Variants in VCL observed in about 807,000 individuals in gnomAD.
VCL encodes vinculin.
Under a neutral mutation model 125.7 loss-of-function variants are expected in VCL, and 47 were observed. That is an observed-to-expected ratio of 0.37 (90% confidence interval 0.30 to 0.48). The LOEUF (loss-of-function observed/expected upper bound fraction) is 0.48, where lower values mean the gene tolerates loss of function less well. Ranked by LOEUF, VCL falls within the 20% of genes least tolerant of loss-of-function variation. VCL has a pLI of 0.99. For missense variants in VCL, 1,069 were observed against 1,455.5 expected (o/e 0.73, Z 4.32); for synonymous variants, 458 against 514.6 (o/e 0.89, Z 1.49).
chr10:74,068,194 T>C (rs1030942222), intron 2 of VCL, among the ~76,000 whole-genome samples: 8 of 152,234 alleles, frequency 5.3e-5, no homozygotes, highest in Non-Finnish European at 1.2e-4. Flanking sequence ...CCTACAGACA[T>C]ACAGGGTAAA....
At chr10:74,083,250 T>G (rs1839708272) in intron 7 of VCL, 116 bp from the exon 8 acceptor site, 1 of 1,390,054 alleles carries the variant, frequency 7.2e-7, no homozygotes. Context: ...TTGCCTTCTA[T>G]TCACTCGTCT....
chr10:74,025,198 A>G (rs1248119136), intron 1 of VCL, among the ~76,000 whole-genome samples: 1 of 152,044 alleles, frequency 6.6e-6, no homozygotes, highest in Admixed American at 6.6e-5. Flanking sequence ...TTGTATTTTC[A>G]GTAGAGACGG....
intron 1 of VCL, among the ~76,000 whole-genome samples, chr10:74,029,346 C>T (rs1288664137): frequency 6.6e-6 from 1 of 151,920 alleles, no homozygotes; most frequent in Non-Finnish European, 1.5e-5. Context: ...ATCTTCTGAC[C>T]TCATGATCCC....
At chr10:74,000,442 G>T (rs936376958) in intron 1 of VCL, among the ~76,000 whole-genome samples, 3 of 151,874 alleles carry the variant, frequency 2.0e-5, no homozygotes, top group Non-Finnish European at 4.4e-5. Context: ...TTGAGATGGA[G>T]TCTTCCTCTG....
At chr10:74,027,789 GATAAA>G (rs1840802956) in intron 1 of VCL, 1 of 151,956 alleles carries the variant, frequency 6.6e-6, no homozygotes, top group Admixed American at 6.6e-5. Flanking sequence ...ATATGAAAAT[GATAAA>G]ATTAAATTTT....
chr10:74,093,185 T>C (rs546503618), intron 10 of VCL, among the ~76,000 whole-genome samples: 1 of 152,016 alleles, frequency 6.6e-6, no homozygotes, highest in Admixed American at 6.5e-5. Flanking sequence ...TAATCCTAGC[T>C]ACTCAGGAGG....
At chr10:74,058,529 A>AT (rs1314434936) in intron 2 of VCL, among the ~76,000 whole-genome samples, 1 of 151,674 alleles carries the variant, frequency 6.6e-6, no homozygotes, top group East Asian at 1.9e-4. Context: ...ATCAGTTTTA[A>AT]TTTTTTTGTT....
At chr10:74,009,579 A>T (rs1022419953) in intron 1 of VCL, among the ~76,000 whole-genome samples, 3 of 149,636 alleles carry the variant, frequency 2.0e-5, no homozygotes, top group Non-Finnish European at 4.4e-5. Context: ...TTCTATTGGG[A>T]ATTGTTATGG....
chr10:74,083,365 G>A lies in VCL; in HGVS notation c.875-1G>A. 6.2e-7 allele frequency: 1 copy of A among 1,613,964 alleles called. No individual in the cohort carries two copies. Among genetic ancestry groups the A allele is most frequent in the Non-Finnish European group, 8.5e-7 (1 of 1,179,902 alleles). On this transcript the variant is annotated splice_acceptor_variant, in intron 7 of 21. Coordinates refer to ENST00000211998, the MANE Select transcript of VCL (RefSeq NM_014000.3). LOFTEE classifies it high-confidence loss of function. ...AGTTATTGAATATCTCTTTATTTTA[G>A]GGGATGCTGGTGAGCAGGCCATCAG...
chr10:74,063,205 G>A (rs2136266983), intron 2 of VCL, among the ~76,000 whole-genome samples: 1 of 152,294 alleles, frequency 6.6e-6, no homozygotes, highest in South Asian at 2.1e-4. Flanking sequence ...GCCCGAGGTT[G>A]GTTTTGAATG....
At chr10:74,009,626 T>C (rs1407333508) in intron 1 of VCL, among the ~76,000 whole-genome samples, 1 of 151,870 alleles carries the variant, frequency 6.6e-6, no homozygotes, top group Non-Finnish European at 1.5e-5. Context: ...TTAATTATTA[T>C]TATTATTTTG....
chr10:74,045,290 GA>G (rs1841179022), intron 2 of VCL, among the ~76,000 whole-genome samples: 1 of 151,814 alleles, frequency 6.6e-6, no homozygotes, highest in African/African-American at 2.4e-5. Flanking sequence ...TAGATAGATA[GA>G]TAGATAGATA....
intron 1 of VCL, among the ~76,000 whole-genome samples, chr10:74,006,197 G>T (rs1001226828): frequency 2.0e-5 from 3 of 151,980 alleles, no homozygotes; most frequent in African/African-American, 7.3e-5. Context: ...ATTTTTATTT[G>T]TATTTGTATA....
At chr10:74,094,494 A>G (rs1421934922) in intron 11 of VCL, 33 bp downstream of exon 11, 28 of 1,602,236 alleles carry the variant, frequency 1.7e-5, no homozygotes, top group Non-Finnish European at 2.4e-5. Flanking sequence ...ACCTCATTAA[A>G]TTGGTCTCAG....
intron 1 of VCL, among the ~76,000 whole-genome samples, chr10:74,020,936 G>A (rs547377531): frequency 2.6e-5 from 4 of 151,912 alleles, no homozygotes; most frequent in Middle Eastern, 6.8e-3. Context: ...AAATGGTGGC[G>A]GGATTGAATG....
At chr10:74,121,076 A>G (rs1212417575), downstream of VCL, 2 of 152,212 alleles carry the variant, frequency 1.3e-5, no homozygotes, top group Admixed American at 6.5e-5. Flanking sequence ...AACTGCTATT[A>G]TCACTGCTTT....
At chr10:74,001,329 T>A (rs1840220729) in intron 1 of VCL, among the ~76,000 whole-genome samples, 3 of 152,146 alleles carry the variant, frequency 2.0e-5, no homozygotes, top group Admixed American at 6.6e-5. Flanking sequence ...TTTTAAAAAA[T>A]TTTATTTTGG....
At chr10:74,038,304 G>A (rs1841025517) in intron 1 of VCL, among the ~76,000 whole-genome samples, 1 of 152,046 alleles carries the variant, frequency 6.6e-6, no homozygotes, top group African/African-American at 2.4e-5. Flanking sequence ...GCCTATGCTG[G>A]GAACATTCCA....
intron 1 of VCL, among the ~76,000 whole-genome samples, chr10:73,999,083 C>T (rs1176328365): frequency 6.6e-6 from 1 of 152,210 alleles, no homozygotes; most frequent in Non-Finnish European, 1.5e-5. Flanking sequence ...TTTTTCCTTC[C>T]GCTCAGCCCT....
Sources: gnomAD v4.1 joint callset for allele counts (sites outside exome capture counted in the v4.1 genomes callset) on GRCh38, gnomAD v4.1.1 for gene constraint, MANE v1.5 for transcripts, NCBI Gene and HGNC (gene_info 2026-07-23, HGNC 2026-07-21) for gene names.